The following KLHL29 variants were observed in gnomAD, a reference collection of about 807,000 sequenced individuals.
KLHL29 encodes the protein kelch like family member 29, also known as kelch-like protein 29.
A neutral mutation model predicts 80.4 loss-of-function variants in KLHL29; 21 were observed. The observed-to-expected ratio is 0.26, with a 90% CI of 0.19 to 0.38. The LOEUF is 0.38. KLHL29 is among the 10% of genes least tolerant of loss of function. The pLI, the probability that KLHL29 is intolerant of heterozygous loss-of-function variation, is 1.00. For synonymous variants in KLHL29, 511 were observed against 526.8 expected (o/e 0.97, Z 0.41); for missense variants, 867 against 1,223.9 (o/e 0.71, Z 4.35).
At chr2:23,502,913 G>C (rs1665495079) in intron 2 of KLHL29, among the ~76,000 whole-genome samples, 1 of 152,184 alleles carries the variant, frequency 6.6e-6, no homozygotes, top group African/African-American at 2.4e-5. Context: ...CCACTGGCTT[G>C]GTTACTAAAA....
intron 3 of KLHL29, among the ~76,000 whole-genome samples, chr2:23,602,002 C>G (rs995850077): frequency 1.7e-4 from 26 of 152,248 alleles, no homozygotes; most frequent in African/African-American, 6.3e-4. Context: ...GGGGCTGAGG[C>G]AGGGCAGAGG....
At chr2:23,698,747 C>T (rs1304921632) in intron 11 of KLHL29, among the ~76,000 whole-genome samples, 13 of 152,132 alleles carry the variant, frequency 8.5e-5, no homozygotes, top group Non-Finnish European at 7.4e-5. Flanking sequence ...ACGCCTCACT[C>T]GGCAGGGTCA....
At chr2:23,485,884 C>T (rs1287772547) in intron 2 of KLHL29, among the ~76,000 whole-genome samples, 1 of 152,200 alleles carries the variant, frequency 6.6e-6, no homozygotes. Context: ...AATAAAGTGC[C>T]TAGAATAGTG....
intron 2 of KLHL29, among the ~76,000 whole-genome samples, chr2:23,510,784 T>A (rs961093980): frequency 1.3e-5 from 2 of 152,116 alleles, no homozygotes; most frequent in African/African-American, 4.8e-5. Context: ...GGTGTAGGGC[T>A]GAGAGAGATG....
chr2:23,544,932 G>T, intron 2 of KLHL29, among the ~76,000 whole-genome samples: 1 of 152,210 alleles, frequency 6.6e-6, no homozygotes, highest in South Asian at 2.1e-4. Context: ...CTTAGGGTAG[G>T]ATGGGAGCCA....
chr2:23,620,583 A>G (rs1669149535), intron 3 of KLHL29, among the ~76,000 whole-genome samples: 1 of 152,094 alleles, frequency 6.6e-6, no homozygotes, highest in Admixed American at 6.5e-5. Flanking sequence ...CAGCAGAGGG[A>G]GCTGACCCAG....
At chr2:23,534,820 C>T (rs1434279263) in intron 2 of KLHL29, among the ~76,000 whole-genome samples, 3 of 152,188 alleles carry the variant, frequency 2.0e-5, no homozygotes, top group African/African-American at 7.2e-5. Context: ...AAAACAGTGC[C>T]TTTTCTGGTC....
chr2:23,644,589 A>G (rs958049801), intron 5 of KLHL29, among the ~76,000 whole-genome samples: 1 of 152,372 alleles, frequency 6.6e-6, no homozygotes, highest in South Asian at 2.1e-4. Flanking sequence ...GCAGGCAGCT[A>G]AACATTGTCA....
rs1192144981 is a variant in KLHL29, at chr2:23,707,277, G to C, written c.*613G>C. 1.3e-5 allele frequency: 2 copies of C among 152,228 alleles called. No individual in the cohort carries two copies. The highest frequency in any genetic ancestry group is 4.8e-5 in the African/African-American group (2 of 41,460). 9.4% of individuals were successfully genotyped at this position (152,228 alleles called of 1,614,324 possible). Reference sequence around the variant, plus strand: ...AGCCGGGGAGCAGGGACAGCGGTCTGTCCTTCACAGGTTTTTCTACTGTGT... The same window carrying C: ...AGCCGGGGAGCAGGGACAGCGGTCTCTCCTTCACAGGTTTTTCTACTGTGT... On this transcript the variant is annotated 3_prime_UTR_variant, in exon 14 of 14. Transcript: ENST00000486442.
At position 23,432,791 on chromosome 2, in the gene KLHL29, G is replaced by T. The variant is rs1305097477; in HGVS notation, c.-153-42769G>T. Among the ~76,000 whole-genome samples, 3 of 152,242 alleles carry T rather than the reference G, an allele frequency of 2.0e-5. No individual in the cohort carries two copies. The East Asian group carries it at 5.8e-4, about 29-fold the overall frequency. On this transcript the variant is annotated intron_variant, in intron 1 of 13. Coordinates refer to ENST00000486442, the MANE Select transcript of KLHL29 (RefSeq NM_052920.2). ...GGCTGGAAAGGCAACAGAGCAGAGG[G>T]AGTCGGGGGCAACTGGTCTAAGAAG...
intron 1 of KLHL29, among the ~76,000 whole-genome samples, chr2:23,392,036 A>T (rs1572476001): frequency 6.6e-6 from 1 of 151,982 alleles, no homozygotes; most frequent in Non-Finnish European, 1.5e-5. Flanking sequence ...CCTTAATCTC[A>T]CCCAGCCTCA....
chr2:23,406,638 G>A (rs1161308941), intron 1 of KLHL29, among the ~76,000 whole-genome samples: 1 of 151,554 alleles, frequency 6.6e-6, no homozygotes, highest in Non-Finnish European at 1.5e-5. Flanking sequence ...TATCATTTTG[G>A]TTCACAATTT....
chr2:23,629,499 T>C (rs1669415179), intron 3 of KLHL29, among the ~76,000 whole-genome samples: 1 of 152,084 alleles, frequency 6.6e-6, no homozygotes, highest in East Asian at 1.9e-4. Flanking sequence ...AGAGGAAAGT[T>C]GAAAGCTTTG....
intron 3 of KLHL29, among the ~76,000 whole-genome samples, chr2:23,567,944 AG>A (rs1426096795): frequency 6.6e-6 from 1 of 152,252 alleles, no homozygotes; most frequent in African/African-American, 2.4e-5. Context: ...TGTGCATGTT[AG>A]TACTGAGCTA....
intron 2 of KLHL29, among the ~76,000 whole-genome samples, chr2:23,513,629 T>A (rs1665840959): frequency 6.6e-6 from 1 of 152,228 alleles, no homozygotes; most frequent in Non-Finnish European, 1.5e-5. Context: ...CTTGACGTGA[T>A]AATCCAAACT....
intron 1 of KLHL29, among the ~76,000 whole-genome samples, chr2:23,465,764 A>G (rs1326277009): frequency 6.6e-6 from 1 of 152,044 alleles, no homozygotes; most frequent in Non-Finnish European, 1.5e-5. Context: ...TTCAGGCACC[A>G]CCTTCCTCCA....
In KLHL29 at chr2:23,706,685, T is replaced by A; in HGVS notation, c.*21T>A. 6.7e-7 allele frequency: 1 copy of A among 1,488,828 alleles called. No homozygotes were observed. Among genetic ancestry groups the A allele is most frequent in the Middle Eastern group, 1.7e-4 (1 of 5,818 alleles). The allele number at this position is 1,488,828 out of a possible 1,614,324, so 92.2% of individuals were successfully genotyped here. A position where few individuals can be genotyped will look rare whatever the true frequency, so the allele number is the denominator to read the frequency against. On this transcript the variant is annotated 3_prime_UTR_variant, in exon 14 of 14. Coordinates refer to ENST00000486442, the MANE Select transcript of KLHL29 (RefSeq NM_052920.2). ...GCTGACATCAGCAGAAAGCCCACGA[T>A]AAGACTGTGGACAAGTCTGGTGAGG...
chr2:23,548,343 A>G (rs1171136934), intron 2 of KLHL29, among the ~76,000 whole-genome samples: 2 of 149,754 alleles, frequency 1.3e-5, no homozygotes, highest in African/African-American at 4.9e-5. Context: ...ACACACACAC[A>G]GGCACACAGG....
intron 3 of KLHL29, among the ~76,000 whole-genome samples, chr2:23,588,830 C>T (rs1310159510): frequency 7.2e-5 from 11 of 152,144 alleles, no homozygotes; most frequent in Admixed American, 4.6e-4. Context: ...CACCAGCCCC[C>T]GGAAGACAAG....
Sources: gnomAD v4.1 joint callset for allele counts (sites outside exome capture counted in the v4.1 genomes callset) on GRCh38, gnomAD v4.1.1 for gene constraint, MANE v1.5 for transcripts, NCBI Gene and HGNC (gene_info 2026-07-23, HGNC 2026-07-21) for gene names.